Variants in AMOTL1 observed in about 807,000 individuals in gnomAD.
AMOTL1 encodes the protein angiomotin like 1, also known as angiomotin-like protein 1.
In AMOTL1, 45 loss-of-function variants were observed where a neutral mutation model predicts 102.9. That is an observed-to-expected ratio of 0.44 (90% CI 0.34 to 0.56). AMOTL1 has a LOEUF of 0.56. AMOTL1 is among the 20% of genes least tolerant of loss of function. The pLI, the probability that AMOTL1 is intolerant of heterozygous loss-of-function variation, is 0.01. For missense variants in AMOTL1, 1,114 were observed against 1,225.6 expected, an observed-to-expected ratio of 0.91 and a Z score of 1.36; for synonymous variants, 481 against 484.7, an observed-to-expected ratio of 0.99 and a Z score of 0.10.
At chr11:94,784,660 G>A (rs548680106) in intron 1 of AMOTL1, among the ~76,000 whole-genome samples, 3 of 152,170 alleles carry the variant, frequency 2.0e-5, no homozygotes, top group Non-Finnish European at 2.9e-5. Context: ...AACACATTTT[G>A]TACTTAAAAT....
At chr11:94,860,907 C>T (rs1184445017) in intron 9 of AMOTL1, among the ~76,000 whole-genome samples, 1 of 152,084 alleles carries the variant, frequency 6.6e-6, no homozygotes, top group African/African-American at 2.4e-5. Flanking sequence ...AAGTTATTCA[C>T]GGACTCTCAG....
intron 4 of AMOTL1, among the ~76,000 whole-genome samples, chr11:94,828,379 C>T (rs1241764521): frequency 6.6e-6 from 1 of 152,076 alleles, no homozygotes; most frequent in Admixed American, 6.6e-5. Flanking sequence ...ATCTCTTCTA[C>T]CTCCTCTCCC....
chr11:94,840,745 A>G (rs1175656748), intron 6 of AMOTL1, among the ~76,000 whole-genome samples: 1 of 149,658 alleles, frequency 6.7e-6, no homozygotes, highest in Non-Finnish European at 1.5e-5. Flanking sequence ...CACATATAAT[A>G]ATGCCTTAAT....
At chr11:94,722,852 A>C (rs966271736) in intron 1 of AMOTL1, among the ~76,000 whole-genome samples, 1 of 152,148 alleles carries the variant, frequency 6.6e-6, no homozygotes, top group Admixed American at 6.5e-5. Flanking sequence ...TATGAGTTCT[A>C]TTTCATACCC....
intron 2 of AMOTL1, chr11:94,740,926 C>T: frequency 7.8e-7 from 1 of 1,288,972 alleles, no homozygotes; most frequent in Non-Finnish European, 1.0e-6. Context: ...TTCTGCTTTT[C>T]TTCTCCCCCA....
intron 3 of AMOTL1, among the ~76,000 whole-genome samples, chr11:94,800,720 A>G (rs1413294789): frequency 6.6e-6 from 1 of 152,214 alleles, no homozygotes; most frequent in Non-Finnish European, 1.5e-5. Flanking sequence ...GAATGCTAGA[A>G]TGGAGGAGTT....
At chr11:94,821,391 A>G (rs1351613315) in intron 3 of AMOTL1, 139 bp from the exon 4 acceptor site, 1 of 863,716 alleles carries the variant, frequency 1.2e-6, no homozygotes, top group Admixed American at 2.8e-5. Flanking sequence ...AGATGGGAGC[A>G]CAGTGAATAC....
At chr11:94,761,564 A>G (rs1950793903) in intron 3 of AMOTL1, among the ~76,000 whole-genome samples, 1 of 151,970 alleles carries the variant, frequency 6.6e-6, no homozygotes, top group Non-Finnish European at 1.5e-5. Flanking sequence ...CTCCCAATCC[A>G]TACTTTGGAC....
chr11:94,859,476 C>T, intron 8 of AMOTL1, 49 bp from the exon 9 acceptor site: 19 of 1,538,872 alleles, frequency 1.2e-5, no homozygotes, highest in Non-Finnish European at 1.7e-5. Context: ...GTTGTGTAGA[C>T]AGCATTGATG....
At chr11:94,816,089 G>T (rs1019624456) in intron 3 of AMOTL1, among the ~76,000 whole-genome samples, 3 of 152,044 alleles carry the variant, frequency 2.0e-5, no homozygotes, top group African/African-American at 7.2e-5. Flanking sequence ...TTAAGATATT[G>T]ATTTACCCTT....
At position 94,874,027 on chromosome 11, in the gene AMOTL1, G is replaced by A. The variant is rs1953053447; in HGVS notation, c.*3232G>A. 1.3e-5 allele frequency: 2 copies of A among 152,176 alleles called. No homozygotes were observed. Among genetic ancestry groups the A allele is most frequent in the Admixed American group, 6.5e-5 (1 of 15,288 alleles). 9.4% of individuals were successfully genotyped at this position (152,176 alleles called of 1,614,324 possible). ...GAACTTGAGGGTCCTATCTCAGGATGAAGGGGAGAGGCCCTGGCTTCACGG... is the reference window on the plus strand; with the variant it reads ...GAACTTGAGGGTCCTATCTCAGGATAAAGGGGAGAGGCCCTGGCTTCACGG... On this transcript the variant is annotated 3_prime_UTR_variant, in exon 13 of 13. Coordinates refer to ENST00000433060, the MANE Select transcript of AMOTL1 (RefSeq NM_130847.3).
chr11:94,864,561 G>A (rs879676836), intron 9 of AMOTL1, among the ~76,000 whole-genome samples, 174 bp from the exon 10 acceptor site: 20 of 152,170 alleles, frequency 1.3e-4, no homozygotes, highest in Non-Finnish European at 2.9e-4. Flanking sequence ...GGCATCAGAT[G>A]AGATTGATAA....
At chr11:94,768,307 ACCCT>A, upstream of AMOTL1, 1 of 1,344,856 alleles carries the variant, frequency 7.4e-7, no homozygotes. Context: ...AGCCCGGGCG[ACCCT>A]CCCCGGCCCG....
At chr11:94,808,005 C>G (rs2135589744) in intron 3 of AMOTL1, among the ~76,000 whole-genome samples, 1 of 124,692 alleles carries the variant, frequency 8.0e-6, no homozygotes, top group Non-Finnish European at 1.6e-5. Flanking sequence ...CCCAAAATCA[C>G]TAAGCCAAAG....
intron 9 of AMOTL1, among the ~76,000 whole-genome samples, chr11:94,863,691 T>C (rs990824019): frequency 6.6e-6 from 1 of 152,234 alleles, no homozygotes; most frequent in African/African-American, 2.4e-5. Context: ...TAAATACTCA[T>C]GTAGTCAGAG....
chr11:94,782,084 G>A (rs1951123376), intron 1 of AMOTL1, among the ~76,000 whole-genome samples: 1 of 152,070 alleles, frequency 6.6e-6, no homozygotes, highest in Non-Finnish European at 1.5e-5. Context: ...TGCTTCCGCT[G>A]CAAACTGAAA....
chr11:94,727,357 G>A (rs2566897), intron 1 of AMOTL1, among the ~76,000 whole-genome samples: 73,661 of 151,990 alleles, frequency 0.48, 19,264 homozygotes, highest in Non-Finnish European at 0.58. Flanking sequence ...GATGATACCA[G>A]TGTGATTATG....
At chr11:94,782,347 G>A (rs1005719758) in intron 1 of AMOTL1, among the ~76,000 whole-genome samples, 1 of 152,078 alleles carries the variant, frequency 6.6e-6, no homozygotes, top group Admixed American at 6.5e-5. Context: ...ATCTGCCACC[G>A]TGAACTGGAC....
intron 2 of AMOTL1, among the ~76,000 whole-genome samples, chr11:94,737,863 G>A (rs889041065): frequency 6.6e-6 from 1 of 152,226 alleles, no homozygotes; most frequent in Non-Finnish European, 1.5e-5. Context: ...TAGGCTGCTT[G>A]TAAGAGCAAA....
Sources: gnomAD v4.1 joint callset for allele counts (sites outside exome capture counted in the v4.1 genomes callset) on GRCh38, gnomAD v4.1.1 for gene constraint, MANE v1.5 for transcripts, NCBI Gene and HGNC (gene_info 2026-07-23, HGNC 2026-07-21) for gene names.